The following NEK10 variants were observed in gnomAD, a reference collection of about 807,000 sequenced individuals.
NEK10 encodes serine/threonine-protein kinase Nek10.
In NEK10, 122 loss-of-function variants were observed where a neutral mutation model predicts 159.8. That is an observed-to-expected ratio of 0.76 (90% CI 0.66 to 0.89). The LOEUF (loss-of-function observed/expected upper bound fraction) is 0.89. NEK10 is among the 40% of genes least tolerant of loss of function. The pLI, the probability that NEK10 is intolerant of heterozygous loss-of-function variation, is 0.00. For missense variants in NEK10, 1,342 were observed against 1,323.1 expected (o/e 1.01, Z -0.22); for synonymous variants, 466 against 457.1 (o/e 1.02, Z -0.25).
rs1351176494 is a variant in NEK10 at position 27,107,079 on chromosome 3, T to C, written c.*4193A>G. 6.6e-6 allele frequency among the ~76,000 whole-genome samples: 1 copy of C among 152,166 alleles called. No individual in the cohort carries two copies. Among genetic ancestry groups the C allele is most frequent in the Non-Finnish European group, 1.5e-5 (1 of 68,024 alleles). ...TTAGGATAAAGCAATGAACTGTATC[T>C]TAAATTTTTTATATTATTAGACAAT... On this transcript the variant is annotated 3_prime_UTR_variant, in exon 36 of 36. Transcript: ENST00000691995.
chr3:27,207,530 A>G (rs1950629442), intron 23 of NEK10, among the ~76,000 whole-genome samples: 1 of 152,168 alleles, frequency 6.6e-6, no homozygotes, highest in Admixed American at 6.5e-5. Flanking sequence ...AATTGTTTGA[A>G]GACTATTACG....
chr3:27,193,363 C>T (rs548604461), intron 25 of NEK10, among the ~76,000 whole-genome samples: 2 of 152,248 alleles, frequency 1.3e-5, no homozygotes, highest in Admixed American at 6.5e-5. Context: ...GAATACTATT[C>T]CTAAATCTGA....
chr3:27,190,709 C>T (rs192435871), intron 26 of NEK10, among the ~76,000 whole-genome samples: 5 of 152,262 alleles, frequency 3.3e-5, no homozygotes, highest in African/African-American at 1.2e-4. Context: ...TAGAAGGCCC[C>T]AAATACCTAA....
chr3:27,178,131 C>G (rs1947712358), intron 26 of NEK10, among the ~76,000 whole-genome samples: 1 of 152,168 alleles, frequency 6.6e-6, no homozygotes, highest in African/African-American at 2.4e-5. Context: ...CTTCCTGTCA[C>G]CACGCTAGTA....
At chr3:27,212,830 G>A (rs1575277150) in intron 23 of NEK10, among the ~76,000 whole-genome samples, 1 of 152,216 alleles carries the variant, frequency 6.6e-6, no homozygotes, top group African/African-American at 2.4e-5. Flanking sequence ...CACACAGGGA[G>A]TAACTTTATC....
At position 27,255,519 on chromosome 3, in the gene NEK10, T is replaced by G. The variant is rs76934988; in HGVS notation, c.2090+777A>C. Among the ~76,000 whole-genome samples the G allele has an allele frequency of 1.1e-4, 16 of 152,114 alleles. No individual in the cohort carries two copies. In the East Asian group the frequency reaches 3.1e-3, roughly 29 times the overall value. Reference sequence around the variant, plus strand: ...GGCTAGATTTAAAAAAAAATAAAAGTGTCTTGATTGCTTGACCTGTTGAAT... The same window carrying G: ...GGCTAGATTTAAAAAAAAATAAAAGGGTCTTGATTGCTTGACCTGTTGAAT... On this transcript the variant is annotated intron_variant, in intron 23 of 35. Transcript: ENST00000691995.
At chr3:27,256,975 G>A (rs963943106) in intron 22 of NEK10, among the ~76,000 whole-genome samples, 34 of 147,212 alleles carry the variant, frequency 2.3e-4, no homozygotes, top group Non-Finnish European at 4.6e-4. Context: ...GAGTGCAGTG[G>A]TGCGATCTCG....
chr3:27,358,002 A>G (rs2048434040), intron 1 of NEK10, among the ~76,000 whole-genome samples: 1 of 152,232 alleles, frequency 6.6e-6, no homozygotes, highest in South Asian at 2.1e-4. Flanking sequence ...TTCTATTGCT[A>G]AAATAAAAAT....
In NEK10 at chr3:27,110,186, G is replaced by C. The variant is rs559804992; in HGVS notation, c.*1086C>G. 2 of 151,994 alleles carry C rather than the reference G, an allele frequency of 1.3e-5. No individual in the cohort carries two copies. Among genetic ancestry groups the C allele is most frequent in the Non-Finnish European group, 2.9e-5 (2 of 68,004 alleles). The allele number at this position is 151,994 out of a possible 1,614,324, so 9.4% of individuals were successfully genotyped here. A position where few individuals can be genotyped will look rare whatever the true frequency, so the allele number is the denominator to read the frequency against. ...AGTGTAGACAGATTTCGCAATAAGG[G>C]TATTTCTTGACATTACACCAGAGTT... On this transcript the variant is annotated 3_prime_UTR_variant, in exon 36 of 36. Coordinates refer to ENST00000691995, the MANE Select transcript of NEK10 (RefSeq NM_001394966.1).
chr3:27,325,436 C>A lies in NEK10; in HGVS notation c.363-3175G>T, dbSNP rs149827281. 5.9e-3 allele frequency among the ~76,000 whole-genome samples: 893 copies of A among 152,266 alleles called. 7 individuals carry two copies. The highest frequency in any genetic ancestry group is 0.021 in the African/African-American group (857 of 41,552). ...CAATTACTTGAGTTGTGGACCCAAG[C>A]CACTCATTGCCTGGCCTGTCCCACA... On this transcript the variant is annotated intron_variant, in intron 5 of 35. Transcript: ENST00000691995.
intron 22 of NEK10, among the ~76,000 whole-genome samples, chr3:27,263,973 T>C (rs909164469): frequency 6.6e-6 from 1 of 152,222 alleles, no homozygotes; most frequent in Admixed American, 6.5e-5. Flanking sequence ...TATATATAAA[T>C]ACATGTAGTA....
At chr3:27,322,110 A>T in intron 6 of NEK10, 67 bp downstream of exon 6, 1 of 805,204 alleles carries the variant, frequency 1.2e-6, no homozygotes. Context: ...CTTCAAAGAA[A>T]AGCCCACCAG....
At chr3:27,215,579 G>A in intron 23 of NEK10, 1 of 471,848 alleles carries the variant, frequency 2.1e-6, no homozygotes, top group East Asian at 3.2e-5. Flanking sequence ...CAGTTTAAAT[G>A]AGAGAAAGGC....
chr3:27,368,246 C>T (rs1454336048), intron 1 of NEK10, among the ~76,000 whole-genome samples: 2 of 151,966 alleles, frequency 1.3e-5, no homozygotes, highest in African/African-American at 4.8e-5. Context: ...GAGCTGAGAT[C>T]GCTCCACTGC....
At chr3:27,318,204 A>G (rs1178244138) in intron 6 of NEK10, among the ~76,000 whole-genome samples, 2 of 152,164 alleles carry the variant, frequency 1.3e-5, no homozygotes, top group Non-Finnish European at 2.9e-5. Flanking sequence ...AAGGTTTGGT[A>G]TACTCGATTT....
At chr3:27,290,513 T>C (rs934457100) in intron 19 of NEK10, 104 bp downstream of exon 19, 5 of 803,078 alleles carry the variant, frequency 6.2e-6, no homozygotes, top group Admixed American at 6.5e-5. Flanking sequence ...TTATTTCACA[T>C]GGAACTAGTT....
chr3:27,340,627 C>G (rs1361663610), intron 5 of NEK10, among the ~76,000 whole-genome samples: 1 of 152,092 alleles, frequency 6.6e-6, no homozygotes, highest in East Asian at 1.9e-4. Context: ...CACTAATCAT[C>G]AGAGAAATGC....
chr3:27,366,490 G>C (rs1162523537), intron 1 of NEK10, among the ~76,000 whole-genome samples: 1 of 152,184 alleles, frequency 6.6e-6, no homozygotes, highest in African/African-American at 2.4e-5. Flanking sequence ...CAGCCTCAAA[G>C]CTTGACTGGC....
intron 29 of NEK10, among the ~76,000 whole-genome samples, chr3:27,164,600 T>A (rs1262472948): frequency 6.6e-6 from 1 of 152,242 alleles, no homozygotes; most frequent in Non-Finnish European, 1.5e-5. Flanking sequence ...GTCCCTCAGT[T>A]GCACTGGCCA....
Sources: allele counts gnomAD v4.1 joint callset (sites outside exome capture counted in the v4.1 genomes callset), GRCh38; gene constraint gnomAD v4.1.1; transcripts MANE v1.5; gene names NCBI Gene and HGNC (gene_info 2026-07-23, HGNC 2026-07-21).